The following SLF1 variants were observed in gnomAD, a reference collection of about 807,000 sequenced individuals.
SLF1 encodes SMC5/6 complex localization factor 1, also known as SMC5-SMC6 complex localization factor protein 1.
Under a neutral mutation model 123.0 loss-of-function variants are expected in SLF1, and 105 were observed. The ratio of observed to expected loss-of-function variants is 0.85; its 90% CI spans 0.73 to 1.00. SLF1 has a LOEUF of 1.00. SLF1 is among the 50% of genes least tolerant of loss of function. The probability of loss-of-function intolerance (pLI) is 0.00; values close to 1 mark genes in which losing one functional copy is unlikely to be tolerated. For synonymous variants in SLF1, 434 were observed against 406.6 expected (o/e 1.07, Z -0.81); for missense variants, 1,239 against 1,223.0 (o/e 1.01, Z -0.20).
intron 9 of SLF1, among the ~76,000 whole-genome samples, chr5:94,659,312 A>G: frequency 6.6e-6 from 1 of 150,910 alleles, no homozygotes. Flanking sequence ...TCATCATTTT[A>G]ATTTTTTTTA....
chr5:94,692,926 AATAAT>A (rs1040406206), intron 20 of SLF1, among the ~76,000 whole-genome samples: 1 of 152,194 alleles, frequency 6.6e-6, no homozygotes, highest in African/African-American at 2.4e-5. Context: ...ATCTAAACTG[AATAAT>A]ATAAATTTTA....
chr5:94,695,183 G>C lies in SLF1; in HGVS notation c.3048G>C (p.Lys1016Asn). Residue 1016 changes from lysine to asparagine, a missense_variant, in exon 21 of 21, where the codon AAG becomes AAC. Transcript: ENST00000265140. The stretch of plus-strand genomic sequence containing the variant: ...TGGATCTTTATGCTGGAAATATAAA[G>C]ACATTGCAGAAACTCCCACACATTC... ...WLLDLYAGNIKTLQKLPHILK... is the reference protein window; with the variant it reads ...WLLDLYAGNINTLQKLPHILK... 1 of 1,612,768 alleles carries C rather than the reference G, an allele frequency of 6.2e-7. No individual in the cohort carries two copies. Among genetic ancestry groups the C allele is most frequent in the South Asian group, 1.1e-5 (1 of 91,044 alleles).
intron 5 of SLF1, among the ~76,000 whole-genome samples, chr5:94,644,685 C>G (rs1463815804): frequency 6.6e-6 from 1 of 152,174 alleles, no homozygotes; most frequent in Non-Finnish European, 1.5e-5. Context: ...TACAATGTTA[C>G]TCTACAGGGA....
At chr5:94,662,529 T>G (rs1749248334) in intron 10 of SLF1, among the ~76,000 whole-genome samples, 178 bp downstream of exon 10, 1 of 152,132 alleles carries the variant, frequency 6.6e-6, no homozygotes, top group Non-Finnish European at 1.5e-5. Flanking sequence ...CTGTCAAAAC[T>G]CCCCCAAAAA....
At chr5:94,652,231 G>A (rs938091588) in intron 7 of SLF1, among the ~76,000 whole-genome samples, 5 of 152,010 alleles carry the variant, frequency 3.3e-5, no homozygotes, top group Non-Finnish European at 5.9e-5. Context: ...GGATGGTCTT[G>A]ATCTCTTGAC....
chr5:94,638,020 G>A (rs1431546343), intron 4 of SLF1, among the ~76,000 whole-genome samples: 2 of 152,032 alleles, frequency 1.3e-5, no homozygotes, highest in East Asian at 1.9e-4. Flanking sequence ...AGAGATTCCC[G>A]CCAGGTAGAA....
At chr5:94,618,978 C>T (rs531907168) in intron 1 of SLF1, among the ~76,000 whole-genome samples, 2 of 152,298 alleles carry the variant, frequency 1.3e-5, no homozygotes, top group African/African-American at 4.8e-5. Context: ...AGTTGGTGGG[C>T]TGCAGCTGCA....
At chr5:94,677,620 TATTA>T (rs1197439523) in intron 14 of SLF1, among the ~76,000 whole-genome samples, 1 of 152,196 alleles carries the variant, frequency 6.6e-6, no homozygotes, top group African/African-American at 2.4e-5. Flanking sequence ...TTTACCCAAC[TATTA>T]ATTTAGTGAT....
intron 9 of SLF1, among the ~76,000 whole-genome samples, chr5:94,657,404 G>T (rs2152482351): frequency 6.6e-6 from 1 of 152,120 alleles, no homozygotes; most frequent in African/African-American, 2.4e-5. Context: ...GTCTGAGAAA[G>T]ATATTTGATA....
intron 15 of SLF1, among the ~76,000 whole-genome samples, chr5:94,686,021 C>T (rs893394421): frequency 6.6e-6 from 1 of 151,628 alleles, no homozygotes; most frequent in East Asian, 1.9e-4. Flanking sequence ...TTCTTCTTTA[C>T]CTTGTGCGTT....
chr5:94,629,003 G>A, intron 2 of SLF1, 79 bp downstream of exon 2: 1 of 1,387,386 alleles, frequency 7.2e-7, no homozygotes. Context: ...ATGATAAAAT[G>A]CCTTCTTGAT....
At chr5:94,639,884 T>G (rs1746251434) in intron 4 of SLF1, among the ~76,000 whole-genome samples, 1 of 152,154 alleles carries the variant, frequency 6.6e-6, no homozygotes, top group South Asian at 2.1e-4. Context: ...CAGACACACT[T>G]GGTGTGTAAC....
intron 12 of SLF1, among the ~76,000 whole-genome samples, chr5:94,668,255 C>A (rs1318404880): frequency 6.6e-6 from 1 of 152,220 alleles, no homozygotes; most frequent in Admixed American, 6.5e-5. Flanking sequence ...ACTCTCCTGC[C>A]TCAGCCTCCT....
intron 4 of SLF1, among the ~76,000 whole-genome samples, chr5:94,634,218 A>T (rs1277256571): frequency 1.3e-5 from 2 of 151,888 alleles, no homozygotes; most frequent in East Asian, 3.9e-4. Flanking sequence ...TTGCATACGT[A>T]TTTTCTCAAT....
intron 13 of SLF1, among the ~76,000 whole-genome samples, chr5:94,670,534 A>T (rs2152490063): frequency 6.6e-6 from 1 of 151,880 alleles, no homozygotes; most frequent in East Asian, 1.9e-4. Context: ...TTAGGATTTT[A>T]AAAAAATTCT....
intron 1 of SLF1, among the ~76,000 whole-genome samples, chr5:94,625,662 C>T (rs1025199868): frequency 1.1e-4 from 17 of 152,134 alleles, no homozygotes; most frequent in Admixed American, 9.8e-4. Context: ...GGATTACAGG[C>T]GTGAGCCACC....
At chr5:94,635,008 T>C (rs889066598) in intron 4 of SLF1, among the ~76,000 whole-genome samples, 1 of 152,198 alleles carries the variant, frequency 6.6e-6, no homozygotes, top group African/African-American at 2.4e-5. Context: ...TTCTCTTAAA[T>C]GTTTCCTTTG....
chr5:94,635,641 T>A (rs1265191824), intron 4 of SLF1, among the ~76,000 whole-genome samples: 5 of 152,052 alleles, frequency 3.3e-5, no homozygotes, highest in Admixed American at 2.0e-4. Context: ...TATAAAACAT[T>A]TTATTCTTAG....
chr5:94,664,419 C>T (rs1312833434), intron 11 of SLF1, among the ~76,000 whole-genome samples: 1 of 152,294 alleles, frequency 6.6e-6, no homozygotes, highest in East Asian at 1.9e-4. Context: ...TTCAGCCTCC[C>T]AAGTAGCTGG....
Sources: allele counts gnomAD v4.1 joint callset (sites outside exome capture counted in the v4.1 genomes callset), GRCh38; gene constraint gnomAD v4.1.1; transcripts MANE v1.5; gene names NCBI Gene and HGNC (gene_info 2026-07-23, HGNC 2026-07-21).